The following BABAM2 variants were observed in gnomAD, a reference collection of about 807,000 sequenced individuals.
BABAM2 encodes the protein BRISC and BRCA1-A complex member 2.
A neutral mutation model predicts 54.7 loss-of-function variants in BABAM2; 31 were observed. That is an observed-to-expected ratio of 0.57 (90% CI 0.43 to 0.77). The LOEUF (loss-of-function observed/expected upper bound fraction) is 0.77. Ranked by LOEUF, BABAM2 falls within the 30% of genes least tolerant of loss-of-function variation. The pLI is 0.00. For missense variants in BABAM2, 364 were observed against 455.8 expected (o/e 0.80, Z 1.83); for synonymous variants, 167 against 162.9 (o/e 1.03, Z -0.19).
At chr2:27,895,034 G>C (rs1665176684) in intron 2 of BABAM2, 1 of 195,936 alleles carries the variant, frequency 5.1e-6, no homozygotes, top group African/African-American at 2.3e-5. Context: ...TTCTGAATCT[G>C]ATACCATTTG....
intron 5 of BABAM2, among the ~76,000 whole-genome samples, chr2:28,044,577 A>T (rs1036105532): frequency 2.6e-5 from 4 of 152,136 alleles, no homozygotes; most frequent in Admixed American, 2.0e-4. Flanking sequence ...TGTAGAATGG[A>T]GTGGAGGCTG....
At position 27,998,889 on chromosome 2, in the gene BABAM2, T is replaced by C. The variant is rs1673365919; in HGVS notation, c.300+10802T>C. ...ACATCAAAATTGTTTTTAGCTAATA[T>C]ATGTATAGCATTGAGTAGAAGATAG... On this transcript the variant is annotated intron_variant, in intron 4 of 11. Coordinates refer to ENST00000379624, the MANE Select transcript of BABAM2 (RefSeq NM_199191.3). Among the ~76,000 whole-genome samples, 4 of 152,212 alleles carry C rather than the reference T, an allele frequency of 2.6e-5. No homozygotes were observed. The South Asian group carries it at 6.2e-4, about 24-fold the overall frequency.
intron 7 of BABAM2, among the ~76,000 whole-genome samples, chr2:28,170,727 G>A (rs1674227890): frequency 6.6e-6 from 1 of 152,010 alleles, no homozygotes; most frequent in Admixed American, 6.6e-5. Context: ...GCTTTTTGTT[G>A]TTATTATTTT....
At chr2:28,200,296 T>G (rs1420620201) in intron 7 of BABAM2, among the ~76,000 whole-genome samples, 6 of 152,216 alleles carry the variant, frequency 3.9e-5, no homozygotes, top group Non-Finnish European at 8.8e-5. Flanking sequence ...TCTCACTGAG[T>G]CCAAGTGTCT....
intron 7 of BABAM2, 76 bp downstream of exon 7, chr2:28,129,456 C>T: frequency 8.1e-7 from 1 of 1,231,170 alleles, no homozygotes; most frequent in East Asian, 2.3e-5. Context: ...TTTTGCCACT[C>T]TTGAACTCTT....
chr2:28,234,718 A>G lies in BABAM2; in HGVS notation c.681-2484A>G, dbSNP rs566421369. 3.3e-5 allele frequency among the ~76,000 whole-genome samples: 5 copies of G among 152,266 alleles called. No homozygotes were observed. In the South Asian group the frequency reaches 1.0e-3, roughly 32 times the overall value. On this transcript the variant is annotated intron_variant, in intron 7 of 11. Coordinates refer to ENST00000379624, the MANE Select transcript of BABAM2 (RefSeq NM_199191.3). The stretch of plus-strand genomic sequence containing the variant: ...TGTACCTACAGGACATAAATATTGT[A>G]TTTATTTTTCTTGCACTGTGGATTA...
intron 1 of BABAM2, among the ~76,000 whole-genome samples, chr2:27,893,585 G>A (rs773102559): frequency 6.6e-6 from 1 of 152,100 alleles, no homozygotes; most frequent in Non-Finnish European, 1.5e-5. Context: ...TGAGTGTTTA[G>A]CATGTGCCAG....
Position 28,322,542 on chromosome 2 carries a change from G to A in BABAM2, c.1089-15908G>A, listed in dbSNP as rs76745535. 8.3e-3 allele frequency among the ~76,000 whole-genome samples: 1,264 copies of A among 152,362 alleles called. 16 individuals carry two copies. Among genetic ancestry groups the A allele is most frequent in the East Asian group, 0.025 (129 of 5,184 alleles). The stretch of plus-strand genomic sequence containing the variant: ...CAGAAGTGCTGCTGGGCCAAGCCCT[G>A]CCTTGAACAAGATCCTGAGGTCTCG... On this transcript the variant is annotated intron_variant, in intron 11 of 11. Transcript: ENST00000379624. This position sits in a 1 kb window ranked among gnomAD's most constrained non-coding sequence, Gnocchi z 4.1.
rs146367336 is a variant in BABAM2, at chr2:28,054,529, T to G, written c.570+8730T>G. On this transcript the variant is annotated intron_variant, in intron 6 of 11. Coordinates refer to ENST00000379624, the MANE Select transcript of BABAM2 (RefSeq NM_199191.3). ...GTGATGGTATTAGGAGTTAGGACCT[T>G]TGGAGGTGATTCAGTTATGAGGGTG... is the stretch of plus-strand genomic sequence containing the variant. 2.3e-3 allele frequency among the ~76,000 whole-genome samples: 351 copies of G among 152,272 alleles called. 4 individuals carry two copies. Among genetic ancestry groups the G allele is most frequent in the Middle Eastern group, 3.4e-3 (1 of 294 alleles).
chr2:27,959,766 C>T (rs192037634), intron 3 of BABAM2, among the ~76,000 whole-genome samples: 498 of 152,226 alleles, frequency 3.3e-3, no homozygotes, highest in Non-Finnish European at 6.2e-3. Context: ...TACATTTAAA[C>T]TATCAGAAAA....
intron 3 of BABAM2, among the ~76,000 whole-genome samples, chr2:27,959,673 A>G (rs537430831): frequency 1.3e-5 from 2 of 152,256 alleles, no homozygotes; most frequent in East Asian, 1.9e-4. Context: ...GCTGTCACAG[A>G]CACTGCTTGA....
chr2:28,167,708 AT>A (rs1673860263), intron 7 of BABAM2, among the ~76,000 whole-genome samples: 2 of 150,120 alleles, frequency 1.3e-5, no homozygotes, highest in Non-Finnish European at 3.0e-5. Context: ...AAATAAATAA[AT>A]AAATAAATAA....
chr2:28,083,862 A>T (rs1665400140), intron 6 of BABAM2, among the ~76,000 whole-genome samples: 1 of 152,170 alleles, frequency 6.6e-6, no homozygotes, highest in African/African-American at 2.4e-5. Context: ...GAGCACAGTG[A>T]CCTGTGTTAA....
chr2:28,231,564 TGGA>T (rs962918408), intron 7 of BABAM2, among the ~76,000 whole-genome samples: 7 of 152,136 alleles, frequency 4.6e-5, no homozygotes, highest in African/African-American at 1.7e-4. Context: ...AATCATACTG[TGGA>T]GGAGGCAGCC....
intron 10 of BABAM2, among the ~76,000 whole-genome samples, chr2:28,281,955 AG>A (rs1686397153): frequency 6.6e-6 from 1 of 152,224 alleles, no homozygotes; most frequent in Admixed American, 6.5e-5. Context: ...AAGGCTTCAA[AG>A]GTTACTGACA....
intron 3 of BABAM2, among the ~76,000 whole-genome samples, chr2:27,935,490 G>T (rs1352171253): frequency 6.6e-6 from 1 of 152,206 alleles, no homozygotes; most frequent in Non-Finnish European, 1.5e-5. Flanking sequence ...GATAAGCAAA[G>T]AAAGTAGTTT....
intron 2 of BABAM2, among the ~76,000 whole-genome samples, chr2:27,910,733 A>G (rs919209152): frequency 1.3e-5 from 2 of 152,178 alleles, no homozygotes; most frequent in Admixed American, 6.5e-5. Context: ...GTGATATTCT[A>G]TATTGTTGCA....
At chr2:28,125,342 G>A (rs987106468) in intron 6 of BABAM2, among the ~76,000 whole-genome samples, 2 of 151,892 alleles carry the variant, frequency 1.3e-5, no homozygotes, top group East Asian at 3.9e-4. Flanking sequence ...CAGCCAGGCT[G>A]GAGTGCAGTG....
chr2:28,283,624 C>T (rs1686563336), intron 10 of BABAM2, among the ~76,000 whole-genome samples: 1 of 152,196 alleles, frequency 6.6e-6, no homozygotes, highest in Admixed American at 6.5e-5. Context: ...CATAGATACA[C>T]TAACCTTGTA....
Sources: allele counts gnomAD v4.1 joint callset (sites outside exome capture counted in the v4.1 genomes callset), GRCh38; gene constraint gnomAD v4.1.1; non-coding constraint Gnocchi (gnomAD v3.1); transcripts MANE v1.5; gene names NCBI Gene and HGNC (gene_info 2026-07-23, HGNC 2026-07-21).